Variants in RALGAPA2 observed in about 807,000 individuals in gnomAD.
The protein encoded by RALGAPA2 is Ral GTPase activating protein catalytic subunit alpha 2, also known as ral GTPase-activating protein subunit alpha-2.
A neutral mutation model predicts 230.4 loss-of-function variants in RALGAPA2; 139 were observed. The observed-to-expected ratio is 0.60, with a 90% confidence interval of 0.53 to 0.69. RALGAPA2 has a LOEUF of 0.69. RALGAPA2 is among the 30% of genes least tolerant of loss of function. The pLI, the probability that RALGAPA2 is intolerant of heterozygous loss-of-function variation, is 0.00. For missense variants in RALGAPA2, 2,163 were observed against 2,276.0 expected (o/e 0.95, Z 1.01); for synonymous variants, 847 against 837.8 (o/e 1.01, Z -0.19).
chr20:20,682,007 G>A (rs1225315552), intron 1 of RALGAPA2, among the ~76,000 whole-genome samples: 1 of 152,224 alleles, frequency 6.6e-6, no homozygotes, highest in Non-Finnish European at 1.5e-5. Flanking sequence ...CTAACACTGT[G>A]AATCTATGTG....
chr20:20,472,293 C>T (rs6075663), intron 37 of RALGAPA2: 3,028 of 152,294 alleles, frequency 0.02, 37 homozygotes, highest in South Asian at 0.027. Flanking sequence ...CCAAATGCAA[C>T]TTAATTCAGG....
intron 1 of RALGAPA2, among the ~76,000 whole-genome samples, chr20:20,696,514 C>T (rs1408982096): frequency 1.3e-5 from 2 of 151,982 alleles, no homozygotes; most frequent in Non-Finnish European, 2.9e-5. Context: ...ACTGGAGTGC[C>T]CCATCTTATC....
chr20:20,598,714 C>A (rs1568629323), intron 16 of RALGAPA2: 1 of 455,982 alleles, frequency 2.2e-6, no homozygotes, highest in East Asian at 7.0e-5. Context: ...GTAAGAGAGA[C>A]CAGGTAAGAG....
At chr20:20,601,086 C>T (rs925120485) in intron 16 of RALGAPA2, among the ~76,000 whole-genome samples, 4 of 150,484 alleles carry the variant, frequency 2.7e-5, no homozygotes, top group Admixed American at 2.0e-4. Flanking sequence ...GGCGTCAGAG[C>T]GAGACTCTGT....
intron 38 of RALGAPA2, among the ~76,000 whole-genome samples, chr20:20,407,492 C>T (rs1375602728): frequency 2.6e-5 from 4 of 152,164 alleles, no homozygotes; most frequent in African/African-American, 7.2e-5. Flanking sequence ...GCATATGGCG[C>T]GGAGGCCTTA....
At chr20:20,592,962 G>T (rs2065338530) in intron 16 of RALGAPA2, among the ~76,000 whole-genome samples, 1 of 151,868 alleles carries the variant, frequency 6.6e-6, no homozygotes, top group Non-Finnish European at 1.5e-5. Flanking sequence ...TCTGTTGCCA[G>T]GTTGGAGTGC....
At chr20:20,661,210 G>A (rs923679009) in intron 3 of RALGAPA2, among the ~76,000 whole-genome samples, 3 of 152,064 alleles carry the variant, frequency 2.0e-5, no homozygotes, top group Non-Finnish European at 2.9e-5. Context: ...CCAGGCTGGA[G>A]AGCAATGGCG....
At chr20:20,624,320 T>TCGC in intron 10 of RALGAPA2, among the ~76,000 whole-genome samples, 1 of 107,106 alleles carries the variant, frequency 9.3e-6, no homozygotes, top group Admixed American at 1.3e-4. Flanking sequence ...GGAGCGAGAC[T>TCGC]CCATCTCCAA....
intron 33 of RALGAPA2, among the ~76,000 whole-genome samples, chr20:20,510,152 A>C (rs2062658373): frequency 6.6e-6 from 1 of 152,198 alleles, no homozygotes; most frequent in Non-Finnish European, 1.5e-5. Flanking sequence ...AGCAGGCTCT[A>C]ACTCATCGCT....
chr20:20,460,006 CCT>C (rs1409771870), intron 37 of RALGAPA2, among the ~76,000 whole-genome samples: 2 of 152,162 alleles, frequency 1.3e-5, no homozygotes, highest in Non-Finnish European at 2.9e-5. Context: ...TGTGAAGCCC[CCT>C]GAGGCCACTC....
chr20:20,619,208 A>C, intron 12 of RALGAPA2, 69 bp downstream of exon 12: 3 of 1,410,852 alleles, frequency 2.1e-6, no homozygotes, highest in Non-Finnish European at 2.8e-6. Context: ...TATCCCCAAT[A>C]AACAAAAAGA....
At position 20,540,329 on chromosome 20, in the gene RALGAPA2, A is replaced by C. The variant is rs560324230; in HGVS notation, c.3286-3545T>G. Among the ~76,000 whole-genome samples, 10 of 152,346 alleles carry C rather than the reference A, an allele frequency of 6.6e-5. No homozygotes were observed. In the South Asian group the frequency reaches 2.1e-3, roughly 32 times the overall value. ...CCACACACTCATGTGCAATATTTGA[A>C]AACAGAATTAAAAATCGATTCATGG... On this transcript the variant is annotated intron_variant, in intron 24 of 39. Coordinates refer to ENST00000202677, the MANE Select transcript of RALGAPA2 (RefSeq NM_020343.4).
chr20:20,580,455 T>G (rs993913475), intron 20 of RALGAPA2, among the ~76,000 whole-genome samples: 1 of 152,150 alleles, frequency 6.6e-6, no homozygotes, highest in Non-Finnish European at 1.5e-5. Context: ...TAGGACTGGG[T>G]ACCAGGAAAC....
intron 23 of RALGAPA2, among the ~76,000 whole-genome samples, chr20:20,561,128 G>A (rs767161290): frequency 1.3e-5 from 2 of 152,222 alleles, no homozygotes; most frequent in Non-Finnish European, 2.9e-5. Flanking sequence ...ATACTTTAGA[G>A]CTTGAAAGGC....
rs781533887 is a variant in RALGAPA2 at position 20,512,543 on chromosome 20, T to A, written c.4826A>T (p.Asp1609Val). 1.9e-6 allele frequency: 3 copies of A among 1,608,514 alleles called. No homozygotes were observed. The highest frequency in any genetic ancestry group is 2.5e-6 in the Non-Finnish European group (3 of 1,178,176). Residue 1609 changes from aspartate to valine, a missense_variant, in exon 32 of 40, where the codon GAT (aspartate) becomes GTT (valine). By Grantham distance (152) the Asp-to-Val change is radical. Transcript: ENST00000202677. ...GPFYFCRLLL[D>V]DLGMNSWDRR... Reference sequence around the variant, plus strand: ...GTCCCAAGAATTCATTCCCAAGTCATCAAGCAATAACCTGCAGAAATAAAA... The same window carrying A: ...GTCCCAAGAATTCATTCCCAAGTCAACAAGCAATAACCTGCAGAAATAAAA...
At chr20:20,675,886 A>AT (rs2068307226) in intron 3 of RALGAPA2, among the ~76,000 whole-genome samples, 1 of 152,220 alleles carries the variant, frequency 6.6e-6, no homozygotes, top group African/African-American at 2.4e-5. Context: ...GGGTTTTTAA[A>AT]TTTTTTTATT....
intron 16 of RALGAPA2, among the ~76,000 whole-genome samples, chr20:20,600,917 T>A (rs1376082696): frequency 6.6e-6 from 1 of 152,152 alleles, no homozygotes; most frequent in African/African-American, 2.4e-5. Context: ...CTGACCAACA[T>A]GGTGAAACCC....
intron 24 of RALGAPA2, among the ~76,000 whole-genome samples, chr20:20,543,312 C>A (rs575517814): frequency 6.6e-6 from 1 of 151,906 alleles, no homozygotes; most frequent in East Asian, 2.0e-4. Context: ...CCTAAAGTGT[C>A]GGGATTACAG....
chr20:20,483,620 A>G (rs1015229948), intron 36 of RALGAPA2, among the ~76,000 whole-genome samples: 3 of 152,210 alleles, frequency 2.0e-5, no homozygotes, highest in East Asian at 1.9e-4. Flanking sequence ...TGATCTGCCA[A>G]TAACAAAGCA....
Sources: allele counts gnomAD v4.1 joint callset (sites outside exome capture counted in the v4.1 genomes callset), GRCh38; gene constraint gnomAD v4.1.1; transcripts MANE v1.5; gene names NCBI Gene and HGNC (gene_info 2026-07-23, HGNC 2026-07-21).